SLC44A5: variants seen among roughly 807,000 people sequenced by gnomAD.
SLC44A5 encodes the protein solute carrier family 44 member 5.
In SLC44A5, 57 loss-of-function variants were observed where a neutral mutation model predicts 101.8. The ratio of observed to expected loss-of-function variants is 0.56; its 90% confidence interval spans 0.45 to 0.70. SLC44A5 has a LOEUF of 0.70. Ranked by LOEUF, SLC44A5 falls within the 30% of genes least tolerant of loss-of-function variation. The pLI is 0.00. For missense variants in SLC44A5, 737 were observed against 853.1 expected, an observed-to-expected ratio of 0.86 and a Z score of 1.70; for synonymous variants, 281 against 290.9, an observed-to-expected ratio of 0.97 and a Z score of 0.35.
intron 1 of SLC44A5, among the ~76,000 whole-genome samples, chr1:75,577,437 C>T (rs373384693): frequency 1.3e-5 from 2 of 152,202 alleles, no homozygotes; most frequent in Admixed American, 6.5e-5. Flanking sequence ...AGCATGCTCC[C>T]GCCTCAGAGC....
chr1:75,354,444 G>A (rs1323517517), intron 3 of SLC44A5, among the ~76,000 whole-genome samples: 3 of 152,158 alleles, frequency 2.0e-5, no homozygotes, highest in East Asian at 3.9e-4. Flanking sequence ...ATTATCTCAA[G>A]CAGCCATATG....
chr1:75,518,235 A>G (rs1192572749), intron 2 of SLC44A5, among the ~76,000 whole-genome samples: 1 of 152,222 alleles, frequency 6.6e-6, no homozygotes, highest in African/African-American at 2.4e-5. Context: ...GCAGAAAATT[A>G]TGAAGTCATT....
At chr1:75,583,613 A>T (rs1673826946) in intron 1 of SLC44A5, among the ~76,000 whole-genome samples, 1 of 152,200 alleles carries the variant, frequency 6.6e-6, no homozygotes, top group Admixed American at 6.5e-5. Flanking sequence ...GCAGAGACCT[A>T]TTATTATCAC....
chr1:75,582,404 C>T, intron 1 of SLC44A5: 2 of 737,920 alleles, frequency 2.7e-6, no homozygotes, highest in Non-Finnish European at 4.6e-6. Flanking sequence ...CCACTCCAAG[C>T]TTGGGAAGCA....
rs555314786 is a variant in SLC44A5, at chr1:75,372,962, A to C, written c.52+23621T>G. ...ACACTGCTATACAAAAAATTAAGGA[A>C]TCAAACTCATAGATTTTACTTCAAA... On this transcript the variant is annotated intron_variant, in intron 3 of 23. Coordinates refer to ENST00000370859, the MANE Select transcript of SLC44A5 (RefSeq NM_001130058.2). 2.6e-5 allele frequency among the ~76,000 whole-genome samples: 4 copies of C among 152,336 alleles called. No individual in the cohort carries two copies. The South Asian group carries it at 8.3e-4, about 32-fold the overall frequency.
chr1:75,679,457 T>A, the SLC44A5 span, among the ~76,000 whole-genome samples: 10 of 152,024 alleles, frequency 6.6e-5, no homozygotes, highest in African/African-American at 2.4e-4. Flanking sequence ...GGGCCAATAT[T>A]CAACATTCTT....
chr1:75,451,683 C>T (rs920699561), intron 2 of SLC44A5, among the ~76,000 whole-genome samples: 12 of 151,992 alleles, frequency 7.9e-5, no homozygotes, highest in African/African-American at 2.9e-4. Flanking sequence ...TTGAAAAACT[C>T]ACTTAAGGAA....
intron 3 of SLC44A5, among the ~76,000 whole-genome samples, chr1:75,390,389 C>A (rs1661705244): frequency 7.2e-6 from 1 of 139,186 alleles, no homozygotes; most frequent in Non-Finnish European, 1.5e-5. Flanking sequence ...CCTTGATGAA[C>A]TTAGACACAA....
chr1:75,635,714 G>A, the SLC44A5 span, among the ~76,000 whole-genome samples: 7 of 150,658 alleles, frequency 4.6e-5, no homozygotes, highest in Non-Finnish European at 5.9e-5. Flanking sequence ...GCTAAATGAC[G>A]AGTTAATGGG....
chr1:75,530,086 T>C (rs889450692), intron 2 of SLC44A5, among the ~76,000 whole-genome samples: 8 of 152,184 alleles, frequency 5.3e-5, no homozygotes, highest in Admixed American at 2.0e-4. Context: ...TCTTGCTCTG[T>C]GGCCCAGGCT....
In SLC44A5 at chr1:75,472,292, CTTAA is replaced by C. The variant is rs759185700; in HGVS notation, c.13+69139_13+69142del. Among the ~76,000 whole-genome samples, 110 of 152,148 alleles carry C rather than the reference CTTAA, an allele frequency of 7.2e-4. 1 individual carries two copies. The highest frequency in any genetic ancestry group is 1.0e-3 in the Non-Finnish European group (71 of 68,008). ...TTTCTGATTCAGTCATGAGTATCAA[CTTAA>C]TTCTTTCTTTTGAGAAGAAAGCCAA... On this transcript the variant is annotated intron_variant, in intron 2 of 23. Coordinates refer to ENST00000370859, the MANE Select transcript of SLC44A5 (RefSeq NM_001130058.2).
At chr1:75,283,623 G>C (rs552115713) in intron 5 of SLC44A5, among the ~76,000 whole-genome samples, 1 of 152,130 alleles carries the variant, frequency 6.6e-6, no homozygotes, top group East Asian at 1.9e-4. Context: ...AATTTTTATG[G>C]TTTCAGGTCT....
intron 2 of SLC44A5, among the ~76,000 whole-genome samples, chr1:75,432,964 C>T (rs966192581): frequency 2.6e-5 from 4 of 152,060 alleles, no homozygotes; most frequent in Non-Finnish European, 5.9e-5. Context: ...ATCTCTCTAC[C>T]TGTGCTTGGA....
At chr1:75,239,302 T>C (rs908804727) in intron 9 of SLC44A5, among the ~76,000 whole-genome samples, 1 of 152,100 alleles carries the variant, frequency 6.6e-6, no homozygotes, top group African/African-American at 2.4e-5. Flanking sequence ...CTTATTTTGA[T>C]TGGAGTCTTT....
chr1:75,339,044 G>A (rs1657664645), intron 4 of SLC44A5, among the ~76,000 whole-genome samples: 1 of 152,214 alleles, frequency 6.6e-6, no homozygotes, highest in South Asian at 2.1e-4. Context: ...GAACCTTGGA[G>A]AGGGCAGGAA....
At chr1:75,487,227 C>T (rs1293496194) in intron 2 of SLC44A5, among the ~76,000 whole-genome samples, 2 of 151,664 alleles carry the variant, frequency 1.3e-5, no homozygotes, top group Non-Finnish European at 2.9e-5. Context: ...TAAGTTGCAA[C>T]AAGTAAAGAG....
chr1:75,229,619 G>A (rs1647377699), intron 12 of SLC44A5, among the ~76,000 whole-genome samples: 1 of 152,050 alleles, frequency 6.6e-6, no homozygotes, highest in East Asian at 1.9e-4. Flanking sequence ...TTCACTCCTT[G>A]CCCTACCATG....
At chr1:75,224,303 TTTG>T (rs1385818387) in intron 13 of SLC44A5, among the ~76,000 whole-genome samples, 166 of 152,136 alleles carry the variant, frequency 1.1e-3, no homozygotes, top group Non-Finnish European at 5.9e-4. Context: ...AATGAATGAG[TTTG>T]TTATTGTTTT....
At chr1:75,425,331 T>C (rs1936359) in intron 2 of SLC44A5, among the ~76,000 whole-genome samples, 15,011 of 152,232 alleles carry the variant, frequency 0.099, 914 homozygotes, top group Admixed American at 0.19. Flanking sequence ...TGATAAAAGA[T>C]TTATGAATAG....
Sources: gnomAD v4.1 joint callset for allele counts (sites outside exome capture counted in the v4.1 genomes callset) on GRCh38, gnomAD v4.1.1 for gene constraint, MANE v1.5 for transcripts, NCBI Gene and HGNC (gene_info 2026-07-23, HGNC 2026-07-21) for gene names.